The following SPATA17 variants were observed in gnomAD, a reference collection of about 807,000 sequenced individuals.
SPATA17 encodes spermatogenesis associated 17, also known as spermatogenesis-associated protein 17.
SPATA17 carries 53 observed loss-of-function variants against 62.2 expected under a neutral mutation model. That is an observed-to-expected ratio of 0.85 (90% CI 0.68 to 1.07). The LOEUF is 1.07. Among genes scored for constraint, SPATA17 ranks in the 50% least tolerant of loss-of-function variants. The pLI is 0.00. For missense variants in SPATA17, 466 were observed against 425.5 expected, an observed-to-expected ratio of 1.10 and a Z score of -0.84; for synonymous variants, 146 against 146.8, an observed-to-expected ratio of 0.99 and a Z score of 0.04.
At chr1:217,799,940 C>T (rs1674263561) in intron 8 of SPATA17, among the ~76,000 whole-genome samples, 1 of 151,750 alleles carries the variant, frequency 6.6e-6, no homozygotes. Context: ...GTTTTTATTT[C>T]CCAGAGCTTC....
At chr1:217,808,338 T>C (rs1438284262) in intron 9 of SPATA17, among the ~76,000 whole-genome samples, 1 of 126,512 alleles carries the variant, frequency 7.9e-6, no homozygotes, top group Non-Finnish European at 1.7e-5. Flanking sequence ...TCACTAACAA[T>C]TAAAAAATAC....
At chr1:217,689,907 CTTT>C (rs774941353) in intron 5 of SPATA17, among the ~76,000 whole-genome samples, 1 of 144,058 alleles carries the variant, frequency 6.9e-6, no homozygotes. Context: ...TTTTCTTTTT[CTTT>C]TTTTTTTTTT....
intron 3 of SPATA17, 46 bp from the exon 4 acceptor site, chr1:217,668,987 C>CT (rs753385857): frequency 3.9e-6 from 6 of 1,526,194 alleles, no homozygotes; most frequent in Non-Finnish European, 4.5e-6. Context: ...GCTGCACTGT[C>CT]TTTGTGTAAC....
chr1:217,783,505 T>C (rs538948371), intron 8 of SPATA17, among the ~76,000 whole-genome samples: 84 of 152,206 alleles, frequency 5.5e-4, no homozygotes, highest in Non-Finnish European at 1.1e-3. Context: ...AGGAACTTTT[T>C]TTCCAATTAG....
chr1:217,759,146 T>C (rs891530217), intron 6 of SPATA17, among the ~76,000 whole-genome samples: 1 of 152,070 alleles, frequency 6.6e-6, no homozygotes, highest in Non-Finnish European at 1.5e-5. Flanking sequence ...GGGAAAAACA[T>C]GAAATATTCA....
chr1:217,670,723 G>A (rs893133216), intron 4 of SPATA17, among the ~76,000 whole-genome samples: 1 of 152,082 alleles, frequency 6.6e-6, no homozygotes, highest in South Asian at 2.1e-4. Context: ...GGCCACGGAG[G>A]GTGGATCACC....
At chr1:217,743,861 G>A (rs1672682397) in intron 6 of SPATA17, among the ~76,000 whole-genome samples, 1 of 151,868 alleles carries the variant, frequency 6.6e-6, no homozygotes, top group Admixed American at 6.6e-5. Context: ...CCCCCGCCTG[G>A]GCCTCCCAAA....
At chr1:217,861,121 T>C (rs1222587933) in intron 9 of SPATA17, among the ~76,000 whole-genome samples, 4 of 152,018 alleles carry the variant, frequency 2.6e-5, no homozygotes, top group African/African-American at 9.7e-5. Context: ...CCATTTCTTA[T>C]AACATTGCTG....
In SPATA17 at chr1:217,837,457, A is replaced by G. The variant is rs1183028148; in HGVS notation, c.1006-25317A>G. On this transcript the variant is annotated intron_variant, in intron 9 of 10. Coordinates refer to ENST00000366933, the MANE Select transcript of SPATA17 (RefSeq NM_138796.4). ...TAATTTGGGGGTGGTGCTTGAGTTAACAGCTGTTTACTAACAGATTTGAAA... is the reference window on the plus strand; with the variant it reads ...TAATTTGGGGGTGGTGCTTGAGTTAGCAGCTGTTTACTAACAGATTTGAAA... Among the ~76,000 whole-genome samples the G allele has an allele frequency of 4.6e-5, 7 of 152,204 alleles. No individual in the cohort carries two copies. The East Asian group carries it at 1.4e-3, about 29-fold the overall frequency.
intron 6 of SPATA17, among the ~76,000 whole-genome samples, chr1:217,767,782 T>C (rs888880059): frequency 6.6e-6 from 1 of 152,212 alleles, no homozygotes; most frequent in Non-Finnish European, 1.5e-5. Flanking sequence ...AGCATATTAA[T>C]CTTAGTCATG....
chr1:217,822,456 A>C (rs892290850), intron 9 of SPATA17, among the ~76,000 whole-genome samples: 3 of 150,944 alleles, frequency 2.0e-5, no homozygotes, highest in African/African-American at 7.3e-5. Context: ...CTCTTCCTTT[A>C]GGTATAGATT....
intron 9 of SPATA17, among the ~76,000 whole-genome samples, chr1:217,843,507 A>G (rs1175327779): frequency 6.6e-6 from 1 of 152,052 alleles, no homozygotes; most frequent in Non-Finnish European, 1.5e-5. Flanking sequence ...GCTTTATTTA[A>G]AGAAGGACAT....
intron 5 of SPATA17, among the ~76,000 whole-genome samples, chr1:217,729,834 A>G (rs1009074094): frequency 6.6e-6 from 1 of 152,232 alleles, no homozygotes; most frequent in African/African-American, 2.4e-5. Context: ...ACAAGAATGT[A>G]CTACCTTTTA....
At chr1:217,688,967 A>G (rs1671287673) in intron 5 of SPATA17, among the ~76,000 whole-genome samples, 1 of 152,150 alleles carries the variant, frequency 6.6e-6, no homozygotes, top group Non-Finnish European at 1.5e-5. Flanking sequence ...GAAAGAATGA[A>G]TGAGATTAGA....
chr1:217,696,268 G>C (rs941150571), intron 5 of SPATA17, among the ~76,000 whole-genome samples: 1 of 152,258 alleles, frequency 6.6e-6, no homozygotes, highest in East Asian at 1.9e-4. Context: ...AGGTGCGTCC[G>C]TCACCCCTTT....
chr1:217,827,475 T>C (rs1675023238), intron 9 of SPATA17, among the ~76,000 whole-genome samples: 1 of 152,086 alleles, frequency 6.6e-6, no homozygotes, highest in Non-Finnish European at 1.5e-5. Flanking sequence ...TGGCAATTCA[T>C]CCAAGATTTA....
At chr1:217,860,357 T>C (rs980102738) in intron 9 of SPATA17, among the ~76,000 whole-genome samples, 8 of 152,188 alleles carry the variant, frequency 5.3e-5, no homozygotes, top group Non-Finnish European at 1.0e-4. Context: ...GTGAGCTCTG[T>C]AAGAATGAGT....
chr1:217,666,848 G>A (rs1670707376), intron 3 of SPATA17, among the ~76,000 whole-genome samples: 1 of 152,122 alleles, frequency 6.6e-6, no homozygotes, highest in African/African-American at 2.4e-5. Flanking sequence ...ACTTTCTAAA[G>A]CATCTGGGCT....
chr1:217,837,824 G>A (rs1049820919), intron 9 of SPATA17, among the ~76,000 whole-genome samples: 5 of 152,180 alleles, frequency 3.3e-5, no homozygotes, highest in Non-Finnish European at 5.9e-5. Flanking sequence ...CCCATTTGTT[G>A]AGTATGTAAC....
Sources: allele counts gnomAD v4.1 joint callset (sites outside exome capture counted in the v4.1 genomes callset), GRCh38; gene constraint gnomAD v4.1.1; transcripts MANE v1.5; gene names NCBI Gene and HGNC (gene_info 2026-07-23, HGNC 2026-07-21).